LDHAL6A: variants seen among roughly 807,000 people sequenced by gnomAD.
LDHAL6A encodes the protein lactate dehydrogenase A like 6A.
In LDHAL6A, 19 loss-of-function variants were observed where a neutral mutation model predicts 28.2. The ratio of observed to expected loss-of-function variants is 0.67; its 90% CI spans 0.47 to 0.99. LDHAL6A has a LOEUF of 0.99. Among genes scored for constraint, LDHAL6A ranks in the 50% least tolerant of loss-of-function variants. The pLI is 0.00. For missense variants in LDHAL6A, 372 were observed against 398.6 expected, an observed-to-expected ratio of 0.93 and a Z score of 0.57; for synonymous variants, 144 against 134.4, an observed-to-expected ratio of 1.07 and a Z score of -0.49.
At chr11:18,471,509 T>C (rs1266915060) in intron 3 of LDHAL6A, among the ~76,000 whole-genome samples, 2 of 152,024 alleles carry the variant, frequency 1.3e-5, no homozygotes, top group African/African-American at 4.8e-5. Flanking sequence ...CACGCCTGCA[T>C]ACAGATCTTA....
intron 1 of LDHAL6A, among the ~76,000 whole-genome samples, chr11:18,457,873 T>C (rs1420250775): frequency 1.3e-5 from 2 of 152,152 alleles, no homozygotes; most frequent in African/African-American, 4.8e-5. Flanking sequence ...GATAACAGTA[T>C]GTTTGTATGC....
intron 1 of LDHAL6A, among the ~76,000 whole-genome samples, chr11:18,463,525 A>G (rs1848977673): frequency 6.6e-6 from 1 of 152,192 alleles, no homozygotes; most frequent in South Asian, 2.1e-4. Flanking sequence ...CATTTATTCA[A>G]AAAACTTTTA....
Position 18,476,504 on chromosome 11 carries a change from A to G in LDHAL6A, c.710+3A>G. ...GTCCACAAAAAAGTGATTTCCAGGT[A>G]ATATGCTAGTTTCACATTTTCAGTA... On this transcript the variant is annotated splice_donor_region_variant and intron_variant, in intron 5 of 6. Coordinates refer to ENST00000280706, the MANE Select transcript of LDHAL6A (RefSeq NM_144972.5). 6.2e-7 allele frequency: 1 copy of G among 1,613,320 alleles called. No homozygotes were observed. The highest frequency in any genetic ancestry group is 8.5e-7 in the Non-Finnish European group (1 of 1,179,638).
At chr11:18,467,972 T>C (rs1383500581) in intron 3 of LDHAL6A, among the ~76,000 whole-genome samples, 3 of 43,584 alleles carry the variant, frequency 6.9e-5, no homozygotes, top group Non-Finnish European at 1.1e-4. Context: ...TATATACGTA[T>C]ATATATACGT....
chr11:18,468,014 CATATATAT>C (rs1320329256), intron 3 of LDHAL6A, among the ~76,000 whole-genome samples: 685 of 59,958 alleles, frequency 0.011, 96 homozygotes, highest in Non-Finnish European at 0.011. Context: ...TATATATATA[CATATATAT>C]ACGTATATAT....
rs578049450 is a variant in LDHAL6A, at chr11:18,478,515, G to A, written c.835-191G>A. 2.6e-5 allele frequency among the ~76,000 whole-genome samples: 4 copies of A among 152,040 alleles called. No homozygotes were observed. In the East Asian group the frequency reaches 5.8e-4, roughly 22 times the overall value. On this transcript the variant is annotated intron_variant, in intron 6 of 6. Transcript: ENST00000280706. Reference sequence around the variant, plus strand: ...GCGGAGCTTGCAGTGAGCCGAGATCGTGCCACTGCACTCCAGCCTGGACGA... The same window carrying A: ...GCGGAGCTTGCAGTGAGCCGAGATCATGCCACTGCACTCCAGCCTGGACGA...
At chr11:18,469,221 G>A (rs1455421651) in intron 3 of LDHAL6A, 2 of 630,532 alleles carry the variant, frequency 3.2e-6, no homozygotes, top group African/African-American at 3.8e-5. Flanking sequence ...ACTGAAGTCT[G>A]TGGGGACAGT....
chr11:18,463,936 C>T, intron 1 of LDHAL6A, 25 bp from the exon 2 acceptor site: 1 of 1,424,860 alleles, frequency 7.0e-7, no homozygotes, highest in Non-Finnish European at 9.9e-7. Context: ...ACACTCACAC[C>T]CATTGGACTA....
intron 3 of LDHAL6A, among the ~76,000 whole-genome samples, chr11:18,472,776 A>G (rs766978822): frequency 6.6e-6 from 1 of 152,254 alleles, no homozygotes; most frequent in African/African-American, 2.4e-5. Context: ...GATTTTTCAA[A>G]TAAGAGTTGA....
chr11:18,476,599 T>G, intron 5 of LDHAL6A, 98 bp downstream of exon 5: 2 of 1,489,802 alleles, frequency 1.3e-6, no homozygotes, highest in East Asian at 4.7e-5. Flanking sequence ...GTTGTTGTAT[T>G]TCCCATATTT....
At chr11:18,460,778 A>G (rs888885370) in intron 1 of LDHAL6A, among the ~76,000 whole-genome samples, 14 of 152,130 alleles carry the variant, frequency 9.2e-5, no homozygotes, top group African/African-American at 3.1e-4. Context: ...AAAAAGGTAA[A>G]AAGCACTAAC....
At chr11:18,464,658 T>C in intron 2 of LDHAL6A, among the ~76,000 whole-genome samples, 1 of 150,924 alleles carries the variant, frequency 6.6e-6, no homozygotes, top group African/African-American at 2.4e-5. Flanking sequence ...GAGGTTGTGG[T>C]GAGCCAAGAT....
intron 2 of LDHAL6A, 111 bp downstream of exon 2, chr11:18,464,189 G>T: frequency 1.4e-6 from 1 of 724,674 alleles, no homozygotes; most frequent in South Asian, 1.6e-5. Flanking sequence ...AAGGCTGGTT[G>T]CTCCCTACTC....
In LDHAL6A at chr11:18,475,326, G is replaced by C. The variant is rs1341604650; in HGVS notation, c.419-140G>C. ...TTGGTAGATATTCTTAAGAGTTGGCGTATAGCTGGGGTTGGATAGAGAACC... is the reference window on the plus strand; with the variant it reads ...TTGGTAGATATTCTTAAGAGTTGGCCTATAGCTGGGGTTGGATAGAGAACC... On this transcript the variant is annotated intron_variant, in intron 3 of 6. Transcript: ENST00000280706. 2.3e-5 allele frequency: 15 copies of C among 648,892 alleles called. No homozygotes were observed. In the East Asian group the frequency reaches 4.0e-4, roughly 17 times the overall value. The allele number at this position is 648,892 out of a possible 1,614,324, so 40.2% of individuals were successfully genotyped here. A position where few individuals can be genotyped will look rare whatever the true frequency, so the allele number is the denominator to read the frequency against.
At chr11:18,476,829 T>C (rs1252691134) in intron 5 of LDHAL6A, 1 of 158,970 alleles carries the variant, frequency 6.3e-6, no homozygotes, top group East Asian at 1.9e-4. Flanking sequence ...TGCATCTCTG[T>C]ACTTGTAACT....
In LDHAL6A at chr11:18,468,043, ATATACG is replaced by A. The variant is rs1287686633; in HGVS notation, c.418+2238_418+2243del. The stretch of plus-strand genomic sequence containing the variant: ...TATATACGTATATATATATACATAT[ATATACG>A]TATATATATATACATATATATATAT... On this transcript the variant is annotated intron_variant, in intron 3 of 6. Coordinates refer to ENST00000280706, the MANE Select transcript of LDHAL6A (RefSeq NM_144972.5). Among the ~76,000 whole-genome samples, 21 of 13,392 alleles carry A rather than the reference ATATACG, an allele frequency of 1.6e-3. 1 individual carries two copies. Among genetic ancestry groups the A allele is most frequent in the African/African-American group, 2.4e-3 (19 of 7,828 alleles). The allele number at this position is 13,392 out of a possible 152,430, so 8.8% of individuals were successfully genotyped here.
At chr11:18,458,363 A>G (rs1173523557) in intron 1 of LDHAL6A, among the ~76,000 whole-genome samples, 1 of 152,196 alleles carries the variant, frequency 6.6e-6, no homozygotes, top group Non-Finnish European at 1.5e-5. Flanking sequence ...TTACCTCTGG[A>G]GGCTTAAAAT....
intron 1 of LDHAL6A, among the ~76,000 whole-genome samples, chr11:18,463,747 T>A (rs750334676): frequency 2.0e-5 from 3 of 152,244 alleles, no homozygotes; most frequent in Non-Finnish European, 4.4e-5. Flanking sequence ...GTTTTTGTTT[T>A]CCTCATGATG....
At chr11:18,464,838 C>T (rs1259415799) in intron 2 of LDHAL6A, among the ~76,000 whole-genome samples, 1 of 152,052 alleles carries the variant, frequency 6.6e-6, no homozygotes, top group African/African-American at 2.4e-5. Flanking sequence ...TTTGAACAAA[C>T]GAATGAACCA....
Sources: allele counts gnomAD v4.1 joint callset (sites outside exome capture counted in the v4.1 genomes callset), GRCh38; gene constraint gnomAD v4.1.1; transcripts MANE v1.5; gene names NCBI Gene and HGNC (gene_info 2026-07-23, HGNC 2026-07-21).